Variants in MIPOL1 observed in about 807,000 individuals in gnomAD.
MIPOL1 encodes mirror-image polydactyly 1.
In MIPOL1, 57 loss-of-function variants were observed where a neutral mutation model predicts 60.9. The observed-to-expected ratio is 0.94, with a 90% CI of 0.76 to 1.17. The LOEUF (loss-of-function observed/expected upper bound fraction) is 1.17, where lower values mean the gene tolerates loss of function less well. Ranked by LOEUF, MIPOL1 falls within the 50% of genes most tolerant of loss-of-function variation. The pLI is 0.00. For missense variants in MIPOL1, 551 were observed against 511.6 expected, an observed-to-expected ratio of 1.08 and a Z score of -0.74; for synonymous variants, 179 against 168.8, an observed-to-expected ratio of 1.06 and a Z score of -0.47.
chr14:37,422,126 A>AT (rs1368764168), intron 10 of MIPOL1, among the ~76,000 whole-genome samples: 1 of 152,110 alleles, frequency 6.6e-6, no homozygotes, highest in Non-Finnish European at 1.5e-5. Context: ...TCCTATGGGA[A>AT]TGATGGTGGG....
intron 12 of MIPOL1, among the ~76,000 whole-genome samples, chr14:37,523,225 A>G (rs1318799236): frequency 6.6e-6 from 1 of 152,110 alleles, no homozygotes; most frequent in African/African-American, 2.4e-5. Flanking sequence ...TAATTATTTA[A>G]TGAGTCCATA....
At chr14:37,425,053 T>C (rs2153553939) in intron 11 of MIPOL1, among the ~76,000 whole-genome samples, 1 of 152,330 alleles carries the variant, frequency 6.6e-6, no homozygotes, top group African/African-American at 2.4e-5. Context: ...ATTAAACCAA[T>C]TATGAACACA....
chr14:37,518,682 G>A (rs1021380019), intron 12 of MIPOL1, among the ~76,000 whole-genome samples: 1 of 151,962 alleles, frequency 6.6e-6, no homozygotes, highest in South Asian at 2.1e-4. Context: ...CTCTGAAAAG[G>A]GCTTAAAAGC....
intron 10 of MIPOL1, among the ~76,000 whole-genome samples, chr14:37,402,820 A>C (rs1279806915): frequency 6.6e-6 from 1 of 152,196 alleles, no homozygotes; most frequent in Non-Finnish European, 1.5e-5. Context: ...GAGCTTAGGA[A>C]CTGTGACTTT....
intron 1 of MIPOL1, among the ~76,000 whole-genome samples, chr14:37,225,510 T>G (rs1969556134): frequency 6.6e-6 from 1 of 152,186 alleles, no homozygotes. Context: ...TCTGAAGCCA[T>G]GGCCTGAGCT....
intron 10 of MIPOL1, among the ~76,000 whole-genome samples, chr14:37,409,646 T>C (rs2153538011): frequency 6.6e-6 from 1 of 151,986 alleles, no homozygotes; most frequent in African/African-American, 2.4e-5. Context: ...ATTAGCTGGG[T>C]GTGGTGGCAC....
chr14:37,337,798 T>C (rs1423434055), intron 9 of MIPOL1, among the ~76,000 whole-genome samples: 1 of 152,148 alleles, frequency 6.6e-6, no homozygotes, highest in African/African-American at 2.4e-5. Flanking sequence ...TAATCAGATA[T>C]ATAATTTGCA....
intron 10 of MIPOL1, among the ~76,000 whole-genome samples, chr14:37,417,748 T>C (rs2093797422): frequency 6.6e-6 from 1 of 152,202 alleles, no homozygotes. Flanking sequence ...TGTTTAATAG[T>C]GCTAGCTTAA....
chr14:37,460,280 T>C lies in MIPOL1; in HGVS notation c.1031+37331T>C, dbSNP rs1019964496. Among the ~76,000 whole-genome samples, 7 of 152,010 alleles carry C rather than the reference T, an allele frequency of 4.6e-5. No individual in the cohort carries two copies. In the East Asian group the frequency reaches 1.2e-3, roughly 25 times the overall value. On this transcript the variant is annotated intron_variant, in intron 11 of 12. Transcript: ENST00000684589. ...GACAAAAACCTTATGATCATCTCAA[T>C]AGGTGAAGAAAAAGCATTTGATGAA...
intron 12 of MIPOL1, 58 bp downstream of exon 12, chr14:37,500,196 T>C (rs2095195932): frequency 8.7e-7 from 1 of 1,150,564 alleles, no homozygotes; most frequent in Non-Finnish European, 1.2e-6. Flanking sequence ...CAAAACACTT[T>C]CTTTTGGGAA....
At chr14:37,541,801 G>A (rs571377573) in intron 12 of MIPOL1, among the ~76,000 whole-genome samples, 10 of 152,114 alleles carry the variant, frequency 6.6e-5, no homozygotes, top group East Asian at 3.9e-4. Context: ...TTAACCAGTC[G>A]TAGTTTCAAG....
chr14:37,391,594 G>A (rs544112918), intron 10 of MIPOL1, among the ~76,000 whole-genome samples: 10 of 151,938 alleles, frequency 6.6e-5, no homozygotes, highest in Non-Finnish European at 4.4e-5. Context: ...CGGGGTTTCA[G>A]CATGTTGGCC....
At chr14:37,343,379 A>G (rs1191513330) in intron 9 of MIPOL1, among the ~76,000 whole-genome samples, 3 of 152,204 alleles carry the variant, frequency 2.0e-5, no homozygotes, top group Non-Finnish European at 4.4e-5. Flanking sequence ...GATTTTTAAA[A>G]ACTCTTCTAA....
rs530413126 is a variant in MIPOL1 at position 37,425,064 on chromosome 14, T to G, written c.1031+2115T>G. Among the ~76,000 whole-genome samples, 89 of 152,316 alleles carry G rather than the reference T, an allele frequency of 5.8e-4. No homozygotes were observed. In the Middle Eastern group the frequency reaches 0.031, roughly 52 times the overall value. On this transcript the variant is annotated intron_variant, in intron 11 of 12. Coordinates refer to ENST00000684589, the MANE Select transcript of MIPOL1 (RefSeq NM_001388067.1). ...AGATATTAAACCAATTATGAACACA[T>G]GAATGCCATGTGGTTTGTGCCCTGA...
intron 12 of MIPOL1, among the ~76,000 whole-genome samples, chr14:37,538,625 C>G (rs1424283599): frequency 6.6e-6 from 1 of 152,130 alleles, no homozygotes; most frequent in African/African-American, 2.4e-5. Flanking sequence ...TTCAGCTGCT[C>G]GTGCTCCACC....
chr14:37,290,781 G>T (rs1337636451), intron 7 of MIPOL1, among the ~76,000 whole-genome samples: 3 of 152,126 alleles, frequency 2.0e-5, no homozygotes, highest in Non-Finnish European at 4.4e-5. Flanking sequence ...GGGTTGTGGG[G>T]TTTTTTTGTA....
At chr14:37,259,301 A>G (rs1441780518) in intron 3 of MIPOL1, among the ~76,000 whole-genome samples, 2 of 152,060 alleles carry the variant, frequency 1.3e-5, no homozygotes, top group African/African-American at 2.4e-5. Flanking sequence ...CACACCTATA[A>G]TCCCAGCACT....
chr14:37,539,982 C>T lies in MIPOL1; in HGVS notation c.1263-6923C>T, dbSNP rs1346840702. On this transcript the variant is annotated intron_variant, in intron 12 of 12. Transcript: ENST00000684589. ...TCAGATGGTTTTAGAGGGGGCTTTT[C>T]CCCCTTTTGCTTTACACTTCTCCTT... Among the ~76,000 whole-genome samples the T allele has an allele frequency of 2.0e-5, 3 of 152,100 alleles. No homozygotes were observed. In the East Asian group the frequency reaches 5.8e-4, roughly 29 times the overall value.
At chr14:37,520,113 T>C (rs941043376) in intron 12 of MIPOL1, among the ~76,000 whole-genome samples, 1 of 152,094 alleles carries the variant, frequency 6.6e-6, no homozygotes, top group African/African-American at 2.4e-5. Context: ...GTAGGGAAAA[T>C]GACTGTGATG....
Sources: gnomAD v4.1 joint callset for allele counts (sites outside exome capture counted in the v4.1 genomes callset) on GRCh38, gnomAD v4.1.1 for gene constraint, MANE v1.5 for transcripts, NCBI Gene and HGNC (gene_info 2026-07-23, HGNC 2026-07-21) for gene names.